Variants in TENM3 observed in about 807,000 individuals in gnomAD.
TENM3 encodes teneurin-3.
Under a neutral mutation model 255.1 loss-of-function variants are expected in TENM3, and 63 were observed. That is an observed-to-expected ratio of 0.25 (90% confidence interval 0.20 to 0.30). The LOEUF is 0.30. Ranked by LOEUF, TENM3 falls within the 10% of genes least tolerant of loss-of-function variation. The probability of loss-of-function intolerance (pLI) is 1.00; values close to 1 mark genes in which losing one functional copy is unlikely to be tolerated. For synonymous variants in TENM3, 1,306 were observed against 1,322.3 expected, an observed-to-expected ratio of 0.99 and a Z score of 0.27; for missense variants, 2,929 against 3,461.1, an observed-to-expected ratio of 0.85 and a Z score of 3.86.
At chr4:181,613,360 C>G in the TENM3 span, among the ~76,000 whole-genome samples, 1 of 152,208 alleles carries the variant, frequency 6.6e-6, no homozygotes, top group East Asian at 1.9e-4. Flanking sequence ...GGAGCAGAGC[C>G]CAGGAGCCAC....
At position 182,680,694 on chromosome 4, in the gene TENM3, T is replaced by A. The variant is rs2871328; in HGVS notation, c.1791T>A (p.Ser597=). 1 of 1,592,870 alleles carries A rather than the reference T, an allele frequency of 6.3e-7. No individual in the cohort carries two copies. The highest frequency in any genetic ancestry group is 1.8e-5 in the Admixed American group (1 of 54,312). The change falls in exon 10 of 28, where the codon TCT becomes TCA. Residue 597 remains serine (S), a synonymous_variant. Transcript: ENST00000511685. ...CGGRGICIMG[S]CACNSGYKGE... ...GTCGTGGGATTTGTATCATGGGCTCTTGTGCTTGCAACTCAGGATACAAAG... is the reference window on the plus strand; with the variant it reads ...GTCGTGGGATTTGTATCATGGGCTCATGTGCTTGCAACTCAGGATACAAAG...
At chr4:182,162,852 G>A (rs114883965) in intron 1 of TENM3, among the ~76,000 whole-genome samples, 8 of 152,162 alleles carry the variant, frequency 5.3e-5, no homozygotes, top group South Asian at 4.1e-4. Flanking sequence ...CAGAGCCTTC[G>A]CGGCCTAATT....
chr4:182,022,487 C>T, the TENM3 span, among the ~76,000 whole-genome samples: 1 of 145,186 alleles, frequency 6.9e-6, no homozygotes, highest in East Asian at 2.1e-4. Flanking sequence ...CTCAGCATCA[C>T]ACAATATGCC....
the TENM3 span, among the ~76,000 whole-genome samples, chr4:182,028,835 T>C: frequency 1.3e-5 from 2 of 152,074 alleles, no homozygotes; most frequent in East Asian, 3.9e-4. Context: ...ATTTTTTAAA[T>C]ATTTTAAGAC....
Position 182,605,484 on chromosome 4 carries a change from TTAAAA to T in TENM3, c.749+4324_749+4328del, listed in dbSNP as rs1374898544. Among the ~76,000 whole-genome samples the T allele has an allele frequency of 2.6e-5, 3 of 114,694 alleles. 1 individual carries two copies. The allele number at this position is 114,694 out of a possible 152,430, so 75.2% of individuals were successfully genotyped here. On this transcript the variant is annotated intron_variant, in intron 4 of 27. Coordinates refer to ENST00000511685, the MANE Select transcript of TENM3 (RefSeq NM_001080477.4). The stretch of plus-strand genomic sequence containing the variant: ...TTAAAGTTTCACCATCATCATTTAT[TTAAAA>T]AAAAAAAAAAAAGGGAAAGTCAACT...
At chr4:182,153,994 CG>C (rs1750520774) in intron 1 of TENM3, among the ~76,000 whole-genome samples, 1 of 151,818 alleles carries the variant, frequency 6.6e-6, no homozygotes, top group Non-Finnish European at 1.5e-5. Flanking sequence ...ATGTAAGCCT[CG>C]TAGGGATTAT....
rs1561218820 is a variant in TENM3, at chr4:182,228,370, G to GTATATATATATA, written c.-76+83617_-76+83618insATATATATATAT. Among the ~76,000 whole-genome samples the GTATATATATATA allele has an allele frequency of 4.3e-3, 382 of 88,178 alleles. 36 individuals carry two copies. The highest frequency in any genetic ancestry group is 0.013 in the African/African-American group (272 of 21,086). The allele number at this position is 88,178 out of a possible 152,430, so 57.8% of individuals were successfully genotyped here. A position where few individuals can be genotyped will look rare whatever the true frequency, so the allele number is the denominator to read the frequency against. Reference sequence around the variant, plus strand: ...ATAATGTAATGTAATGTGTGTGTGTGTGTGTGTGTGTGTGTGTGTGTGTAT... The same window carrying GTATATATATATA: ...ATAATGTAATGTAATGTGTGTGTGTGTATATATATATATGTGTGTGTGTGTGTGTGTGTGTAT... On this transcript the variant is annotated intron_variant, in intron 1 of 2. Coordinates refer to the TENM3 transcript ENST00000512480.
At position 182,190,087 on chromosome 4, in the gene TENM3, A is replaced by G. The variant is rs564099892; in HGVS notation, c.-76+45333A>G. ...TTTGAGTTCTTTCCTACACTGTCTC[A>G]TTTTCTATAAACATACTAATGCATG... On this transcript the variant is annotated intron_variant, in intron 1 of 2. Coordinates refer to the TENM3 transcript ENST00000512480. 3 of 152,330 alleles carry G rather than the reference A, an allele frequency of 2.0e-5. No homozygotes were observed. The South Asian group carries it at 6.2e-4, about 32-fold the overall frequency. The allele number at this position is 152,330 out of a possible 1,614,324, so 9.4% of individuals were successfully genotyped here.
chr4:181,964,704 T>C, the TENM3 span, among the ~76,000 whole-genome samples: 1 of 152,142 alleles, frequency 6.6e-6, no homozygotes, highest in African/African-American at 2.4e-5. Context: ...CTGAATATCA[T>C]CAACATGGGA....
At chr4:182,276,563 A>G (rs1032850109) in intron 1 of TENM3, among the ~76,000 whole-genome samples, 3 of 152,240 alleles carry the variant, frequency 2.0e-5, no homozygotes, top group Non-Finnish European at 4.4e-5. Flanking sequence ...CAAATTTTCA[A>G]TAAAATCATC....
At chr4:181,891,959 A>C in the TENM3 span, among the ~76,000 whole-genome samples, 1 of 152,232 alleles carries the variant, frequency 6.6e-6, no homozygotes, top group Admixed American at 6.5e-5. Flanking sequence ...AAAGGACTTG[A>C]CAGAGGGAAT....
At chr4:181,531,957 C>T in the TENM3 span, among the ~76,000 whole-genome samples, 6 of 152,310 alleles carry the variant, frequency 3.9e-5, no homozygotes, top group East Asian at 3.9e-4. Flanking sequence ...GGGCTCGCTT[C>T]GCACAACCAT....
the TENM3 span, among the ~76,000 whole-genome samples, chr4:181,539,747 A>T: frequency 6.6e-6 from 1 of 152,200 alleles, no homozygotes; most frequent in Non-Finnish European, 1.5e-5. Flanking sequence ...TTTTCTTTCC[A>T]TAATCCTAGA....
At chr4:182,648,314 C>T (rs1752935614) in intron 5 of TENM3, among the ~76,000 whole-genome samples, 1 of 148,886 alleles carries the variant, frequency 6.7e-6, no homozygotes, top group Admixed American at 6.7e-5. Context: ...AACAGAGTCT[C>T]ATTTTGTCAC....
At chr4:181,674,749 T>G in the TENM3 span, among the ~76,000 whole-genome samples, 1 of 152,142 alleles carries the variant, frequency 6.6e-6, no homozygotes, top group African/African-American at 2.4e-5. Flanking sequence ...GCATACTCTA[T>G]TGGTGTTTTG....
the TENM3 span, among the ~76,000 whole-genome samples, chr4:181,966,608 G>A: frequency 2.6e-5 from 4 of 152,280 alleles, no homozygotes; most frequent in South Asian, 6.2e-4. Context: ...GAAGCCCCAA[G>A]GGCAGATGTA....
chr4:181,904,223 C>T, the TENM3 span, among the ~76,000 whole-genome samples: 10 of 152,130 alleles, frequency 6.6e-5, no homozygotes, highest in South Asian at 2.1e-4. Flanking sequence ...AAGCCACTAT[C>T]AGTCCTCACA....
the TENM3 span, among the ~76,000 whole-genome samples, chr4:182,098,866 A>G: frequency 6.6e-6 from 1 of 151,686 alleles, no homozygotes; most frequent in African/African-American, 2.4e-5. Context: ...AAGTGAGGTG[A>G]TTGATATTCC....
the TENM3 span, among the ~76,000 whole-genome samples, chr4:181,897,934 C>T: frequency 1.3e-5 from 2 of 152,154 alleles, no homozygotes; most frequent in African/African-American, 2.4e-5. Context: ...CCCTTATTCA[C>T]TCATTAAATA....
Sources: gnomAD v4.1 joint callset for allele counts (sites outside exome capture counted in the v4.1 genomes callset) on GRCh38, gnomAD v4.1.1 for gene constraint, MANE v1.5 for transcripts, NCBI Gene and HGNC (gene_info 2026-07-23, HGNC 2026-07-21) for gene names.